The following CARS2 variants were observed in gnomAD, a reference collection of about 807,000 sequenced individuals.
CARS2 encodes the protein probable cysteine--tRNA ligase, mitochondrial.
Under a neutral mutation model 68.8 loss-of-function variants are expected in CARS2, and 52 were observed. That is an observed-to-expected ratio of 0.76 (90% CI 0.61 to 0.95). The LOEUF is 0.95. CARS2 is among the 40% of genes least tolerant of loss of function. The probability of loss-of-function intolerance (pLI) is 0.00; values close to 1 mark genes in which losing one functional copy is unlikely to be tolerated. For missense variants in CARS2, 780 were observed against 754.2 expected (o/e 1.03, Z -0.40); for synonymous variants, 314 against 303.6 (o/e 1.03, Z -0.36).
chr13:110,668,346 A>G lies in CARS2; in HGVS notation c.786-873T>C, dbSNP rs2062706770. ...ATCACAAGGTCAGGAGATCGAGACC[A>G]TCCTGGCTAACATGGTGAAACCCCG... On this transcript the variant is annotated intron_variant, in intron 7 of 14. Coordinates refer to ENST00000257347, the MANE Select transcript of CARS2 (RefSeq NM_024537.4). This position sits in a 1 kb window ranked among gnomAD's most constrained non-coding sequence, Gnocchi z 4.1. Among the ~76,000 whole-genome samples, 1 of 152,102 alleles carries G rather than the reference A, an allele frequency of 6.6e-6. No individual in the cohort carries two copies. Among genetic ancestry groups the G allele is most frequent in the Non-Finnish European group, 1.5e-5 (1 of 68,030 alleles).
intron 6 of CARS2, 49 bp from the exon 7 acceptor site, chr13:110,677,152 CCACGGATGCTCAGA>C (rs1566705134): frequency 1.3e-6 from 2 of 1,545,188 alleles, no homozygotes; most frequent in South Asian, 2.4e-5. Context: ...AGTCACCCCA[CCACGGATGCTCAGA>C]CATTCACCCC....
intron 3 of CARS2, 77 bp downstream of exon 3, chr13:110,701,361 G>T: frequency 1.3e-6 from 1 of 770,466 alleles, no homozygotes; most frequent in Non-Finnish European, 2.3e-6. Context: ...ACCACGCCCG[G>T]CCAAGAACCA....
In CARS2 at chr13:110,642,302, G is replaced by A. The variant is rs568697181; in HGVS notation, c.1623+13C>T. 3 of 1,545,062 alleles carry A rather than the reference G, an allele frequency of 1.9e-6. No homozygotes were observed. In the Admixed American group the frequency reaches 5.9e-5, roughly 30 times the overall value. ...TCCTGGGGTGATGTCCCTGACCTTG[G>A]TGCGGCACTCACCTTGATGTTGATG... On this transcript the variant is annotated intron_variant, in intron 14 of 14. Coordinates refer to ENST00000257347, the MANE Select transcript of CARS2 (RefSeq NM_024537.4).
intron 11 of CARS2, 31 bp downstream of exon 11, chr13:110,647,070 T>G (rs1177376623): frequency 6.5e-7 from 1 of 1,534,044 alleles, no homozygotes; most frequent in Non-Finnish European, 8.8e-7. Context: ...ACAGGAGGGG[T>G]GCCACGCCGG....
At chr13:110,663,011 C>T in intron 9 of CARS2, 1 of 458,120 alleles carries the variant, frequency 2.2e-6, no homozygotes, top group Non-Finnish European at 4.4e-6. Context: ...TAGCATGATG[C>T]CATTTTTCAG....
intron 12 of CARS2, 146 bp downstream of exon 12, chr13:110,645,821 A>G: frequency 9.2e-7 from 1 of 1,090,602 alleles, no homozygotes; most frequent in Non-Finnish European, 1.3e-6. Flanking sequence ...TCAGCGGCAG[A>G]CTCGGGCTCC....
chr13:110,713,007 G>C (rs372639568), intron 1 of CARS2: 80 of 1,533,940 alleles, frequency 5.2e-5, no homozygotes, highest in Middle Eastern at 1.8e-4. Context: ...TGCGGCCGCA[G>C]CTCAAAGGAC....
chr13:110,682,031 C>T (rs779459459), intron 6 of CARS2, among the ~76,000 whole-genome samples: 7 of 152,124 alleles, frequency 4.6e-5, no homozygotes, highest in Non-Finnish European at 5.9e-5. Flanking sequence ...ACCCAGAGCA[C>T]ACAGTGCCGA....
chr13:110,694,517 G>A (rs1400745496), intron 3 of CARS2, among the ~76,000 whole-genome samples: 4 of 151,846 alleles, frequency 2.6e-5, no homozygotes, highest in Admixed American at 2.0e-4. Flanking sequence ...TACGCCTGTA[G>A]TCCCAGGTAC....
chr13:110,649,781 C>A (rs145688207), intron 10 of CARS2, among the ~76,000 whole-genome samples: 48 of 152,242 alleles, frequency 3.2e-4, no homozygotes, highest in Middle Eastern at 3.4e-3. Context: ...CAGGAAGGAA[C>A]TGTCACCATC....
intron 6 of CARS2, among the ~76,000 whole-genome samples, chr13:110,677,719 CCACCCCGCCACGGAAACCCAGACAGT>C (rs2063004199): frequency 2.7e-5 from 2 of 75,410 alleles, no homozygotes; most frequent in South Asian, 4.7e-4. Flanking sequence ...ACCCAGACAG[CCACCCCGCCACGGAAACCCAGACAGT>C]CACCCCCACC....
In CARS2 at chr13:110,642,382, C is replaced by G. The variant is rs1887470314; in HGVS notation, c.1556G>C (p.Arg519Thr). ...GDARRQQLLE[R>T]QPLLEACDTL... is the part of the protein sequence containing the mutation. ...GTCGCATGCTTCCAGCAGGGGCTGCCTTTCTAGGAGCTGCTGCCGCCGGGC... is the reference window on the plus strand; with the variant it reads ...GTCGCATGCTTCCAGCAGGGGCTGCGTTTCTAGGAGCTGCTGCCGCCGGGC... Residue 519 changes from arginine to threonine, a missense_variant, in exon 14 of 15, where the codon AGG (arginine) becomes ACG (threonine). By Grantham distance (71) the Arg-to-Thr change is moderately conservative (BLOSUM62 -1). Transcript: ENST00000257347. 2 of 1,564,588 alleles carry G rather than the reference C, an allele frequency of 1.3e-6. No homozygotes were observed. Among genetic ancestry groups the G allele is most frequent in the Non-Finnish European group, 1.7e-6 (2 of 1,154,272 alleles).
At chr13:110,646,333 GAC>G (rs1246278018) in intron 11 of CARS2, 14 of 413,150 alleles carry the variant, frequency 3.4e-5, no homozygotes, top group East Asian at 2.2e-4. Context: ...TAAAATACAA[GAC>G]ACACGTGGGC....
chr13:110,705,377 G>A lies in CARS2; in HGVS notation c.275+144C>T. 1.6e-6 allele frequency: 1 copy of A among 625,716 alleles called. No individual in the cohort carries two copies. The highest frequency in any genetic ancestry group is 2.9e-5 in the East Asian group (1 of 34,864). The allele number at this position is 625,716 out of a possible 1,614,324, so 38.8% of individuals were successfully genotyped here. On this transcript the variant is annotated intron_variant, in intron 2 of 14. Transcript: ENST00000257347. The surrounding 1 kb of genome is among the most constrained non-coding windows in gnomAD (Gnocchi z 4.0). Reference sequence around the variant, plus strand: ...AGAATCCCTATAAGAACCAAATGAGGTTGTAACATTTCCCACAATGCCTGG... The same window carrying A: ...AGAATCCCTATAAGAACCAAATGAGATTGTAACATTTCCCACAATGCCTGG...
In CARS2 at chr13:110,665,128, A is replaced by G; in HGVS notation, c.920-1610T>C. On this transcript the variant is annotated intron_variant, in intron 8 of 14. Coordinates refer to ENST00000257347, the MANE Select transcript of CARS2 (RefSeq NM_024537.4). The surrounding 1 kb of genome is among the most constrained non-coding windows in gnomAD (Gnocchi z 4.3). ...AAAGATCGCTGGTATCTTAACAGGT[A>G]GTAAAAAATCACTGAAAAATAGCCA... The G allele has an allele frequency of 1.0e-6, 1 of 985,402 alleles. No individual in the cohort carries two copies. Among genetic ancestry groups the G allele is most frequent in the Non-Finnish European group, 1.2e-6 (1 of 829,922 alleles). 61.0% of individuals were successfully genotyped at this position (985,402 alleles called of 1,614,324 possible). A position where few individuals can be genotyped will look rare whatever the true frequency, so the allele number is the denominator to read the frequency against.
At chr13:110,667,217 G>C in intron 8 of CARS2, 123 bp downstream of exon 8, 1 of 908,398 alleles carries the variant, frequency 1.1e-6, no homozygotes, top group Non-Finnish European at 1.6e-6. Context: ...TAATTTAAGA[G>C]GCAAATCCAT....
chr13:110,664,828 C>T (rs1379937103), intron 8 of CARS2: 6 of 344,314 alleles, frequency 1.7e-5, no homozygotes, highest in Non-Finnish European at 2.5e-5. Flanking sequence ...AGAGGCCCCT[C>T]GAGAGCTGAC....
At chr13:110,685,038 C>T (rs528531466) in intron 5 of CARS2, among the ~76,000 whole-genome samples, 11 of 152,246 alleles carry the variant, frequency 7.2e-5, no homozygotes, top group South Asian at 2.1e-4. Context: ...CCTGTGAAGA[C>T]GAGAATCCCT....
chr13:110,693,769 G>A (rs1268894514), intron 3 of CARS2, among the ~76,000 whole-genome samples: 2 of 152,030 alleles, frequency 1.3e-5, no homozygotes, highest in Non-Finnish European at 2.9e-5. Context: ...ACAAATAGAC[G>A]AGGTAGAAAG....
Sources: allele counts gnomAD v4.1 joint callset (sites outside exome capture counted in the v4.1 genomes callset), GRCh38; gene constraint gnomAD v4.1.1; non-coding constraint Gnocchi (gnomAD v3.1); transcripts MANE v1.5; gene names NCBI Gene and HGNC (gene_info 2026-07-23, HGNC 2026-07-21).